PLS3: variants seen among roughly 807,000 people sequenced by gnomAD.
The protein encoded by PLS3 is plastin-3.
A neutral mutation model predicts 46.5 loss-of-function variants in PLS3; 11 were observed. The observed-to-expected ratio is 0.24, with a 90% CI of 0.15 to 0.39. The LOEUF (loss-of-function observed/expected upper bound fraction) is 0.39, where lower values mean the gene tolerates loss of function less well. Ranked by LOEUF, PLS3 falls within the 10% of genes least tolerant of loss-of-function variation. The pLI is 1.00. For synonymous variants in PLS3, 167 were observed against 162.2 expected (o/e 1.03, Z -0.22); for missense variants, 308 against 461.8 (o/e 0.67, Z 3.05).
At chrX:115,616,725 C>T (rs926409188) in intron 2 of PLS3, among the ~76,000 whole-genome samples, 4 of 112,017 alleles carry the variant, frequency 3.6e-5, no homozygotes, top group Admixed American at 9.5e-5. Context: ...TTTTGTCTCT[C>T]AAGTACTTTA....
intron 8 of PLS3, among the ~76,000 whole-genome samples, chrX:115,638,723 T>A (rs73224832): frequency 5.6e-5 from 4 of 71,161 alleles, no homozygotes; most frequent in African/African-American, 3.6e-4. Context: ...TTGTTTATTT[T>A]TTTTTTTGAG....
At chrX:115,600,574 C>T (rs1292056025) in intron 1 of PLS3, among the ~76,000 whole-genome samples, 5 of 112,040 alleles carry the variant, frequency 4.5e-5, no homozygotes, top group Non-Finnish European at 7.5e-5. Flanking sequence ...GTGTGCTGTT[C>T]GTGAAAGAAG....
chrX:115,586,743 T>C (rs1264243716), intron 1 of PLS3, among the ~76,000 whole-genome samples: 5 of 110,967 alleles, frequency 4.5e-5, no homozygotes, highest in Non-Finnish European at 9.4e-5. Context: ...CATGATAAAG[T>C]CTTGCCTTTT....
intron 3 of PLS3, among the ~76,000 whole-genome samples, chrX:115,624,643 T>A (rs2147522748): frequency 8.9e-6 from 1 of 112,178 alleles, no homozygotes; most frequent in African/African-American, 3.2e-5. Context: ...TTGGGGAAAT[T>A]GTTAATTTTG....
chrX:115,643,693 G>T (rs1054782118), intron 10 of PLS3, among the ~76,000 whole-genome samples, 185 bp downstream of exon 10: 1 of 111,966 alleles, frequency 8.9e-6, no homozygotes, highest in East Asian at 2.8e-4. Flanking sequence ...AGTCGAGGCC[G>T]GGCACGGTGG....
intron 5 of PLS3, among the ~76,000 whole-genome samples, chrX:115,631,396 A>G (rs1271037867): frequency 9.1e-6 from 1 of 109,564 alleles, no homozygotes; most frequent in African/African-American, 3.3e-5. Flanking sequence ...AGTATACACA[A>G]TTCTTCTTTT....
intron 11 of PLS3, among the ~76,000 whole-genome samples, chrX:115,645,433 C>T (rs782298701): frequency 8.2e-5 from 9 of 110,040 alleles, no homozygotes; most frequent in Non-Finnish European, 1.5e-4. Context: ...GGTTGTGCCA[C>T]TGTACTCCAG....
At chrX:115,638,497 G>A (rs895532931) in intron 8 of PLS3, among the ~76,000 whole-genome samples, 1 of 110,252 alleles carries the variant, frequency 9.1e-6, no homozygotes, top group African/African-American at 3.3e-5. Flanking sequence ...CTCCCACCTC[G>A]GCCTCCTAAA....
intron 7 of PLS3, among the ~76,000 whole-genome samples, chrX:115,635,872 C>T (rs1035467678): frequency 9.3e-6 from 1 of 107,249 alleles, no homozygotes; most frequent in Admixed American, 1.0e-4. Context: ...TGCCTGTAGT[C>T]CCAGCTAGTC....
chrX:115,577,589 T>C (rs1219714783), intron 1 of PLS3, among the ~76,000 whole-genome samples: 1 of 110,800 alleles, frequency 9.0e-6, no homozygotes, highest in African/African-American at 3.3e-5. Flanking sequence ...GCAGTTCTCG[T>C]GCCTCAGCTC....
At chrX:115,575,723 G>A (rs181532002) in intron 1 of PLS3, among the ~76,000 whole-genome samples, 9,428 of 111,083 alleles carry the variant, frequency 0.085, 338 homozygotes, top group Middle Eastern at 0.14. Flanking sequence ...GATTACAGGC[G>A]TGAGCCACCG....
chrX:115,606,165 CTT>C (rs782575149), intron 1 of PLS3, among the ~76,000 whole-genome samples: 2 of 30,277 alleles, frequency 6.6e-5, no homozygotes, highest in African/African-American at 1.6e-4. Flanking sequence ...CTTTTCTTTT[CTT>C]TTTTTTTTTT....
chrX:115,603,568 A>G (rs2074464348), intron 1 of PLS3, among the ~76,000 whole-genome samples: 2 of 111,327 alleles, frequency 1.8e-5, no homozygotes, highest in African/African-American at 3.3e-5. Context: ...ATATATCTCT[A>G]TTTCTTTGAA....
chrX:115,648,253 G>A (rs2074971816), intron 15 of PLS3, among the ~76,000 whole-genome samples: 1 of 111,504 alleles, frequency 9.0e-6, no homozygotes, highest in Non-Finnish European at 1.9e-5. Flanking sequence ...GTGCTTAGTC[G>A]GTTGTTGCTT....
At chrX:115,568,723 C>T (rs1556630381) in intron 1 of PLS3, among the ~76,000 whole-genome samples, 2 of 112,125 alleles carry the variant, frequency 1.8e-5, no homozygotes, top group African/African-American at 6.5e-5. Flanking sequence ...AAAAGATAGC[C>T]TTGATTTCAG....
intron 2 of PLS3, among the ~76,000 whole-genome samples, chrX:115,615,487 C>CGAG (rs2074588505): frequency 6.8e-5 from 5 of 73,777 alleles, no homozygotes; most frequent in Admixed American, 4.8e-4. Flanking sequence ...CACGTGTCAT[C>CGAG]AGAGAGAGAG....
At chrX:115,604,453 TA>T (rs1232226753) in intron 1 of PLS3, among the ~76,000 whole-genome samples, 3 of 111,994 alleles carry the variant, frequency 2.7e-5, no homozygotes, top group African/African-American at 9.7e-5. Context: ...TAGGTATTAT[TA>T]TCACTATTTT....
At chrX:115,579,360 G>A (rs2074267645) in intron 1 of PLS3, among the ~76,000 whole-genome samples, 1 of 112,143 alleles carries the variant, frequency 8.9e-6, no homozygotes. Flanking sequence ...GTTATCACAA[G>A]TATTTGTATA....
intron 8 of PLS3, chrX:115,640,174 T>C: frequency 1.0e-6 from 1 of 962,043 alleles, no homozygotes; most frequent in Non-Finnish European, 1.4e-6. Context: ...CATTATTGTA[T>C]TGATGACTTT....
Sources: allele counts gnomAD v4.1 joint callset (sites outside exome capture counted in the v4.1 genomes callset), GRCh38; gene constraint gnomAD v4.1.1; transcripts MANE v1.5; gene names NCBI Gene and HGNC (gene_info 2026-07-23, HGNC 2026-07-21).